Variants in MARCHF2 observed in about 807,000 individuals in gnomAD.
MARCHF2 encodes the protein E3 ubiquitin-protein ligase MARCHF2.
A neutral mutation model predicts 24.0 loss-of-function variants in MARCHF2; 22 were observed. The ratio of observed to expected loss-of-function variants is 0.92; its 90% CI spans 0.66 to 1.31. The LOEUF (loss-of-function observed/expected upper bound fraction) is 1.31. MARCHF2 is among the 50% of genes most tolerant of loss of function. MARCHF2 has a pLI of 0.00. For missense variants in MARCHF2, 301 were observed against 335.3 expected, an observed-to-expected ratio of 0.90 and a Z score of 0.80; for synonymous variants, 154 against 153.0, an observed-to-expected ratio of 1.01 and a Z score of -0.05.
At position 8,430,596 on chromosome 19, in the gene MARCHF2, C is replaced by A; in HGVS notation, c.373-62C>A. The A allele has an allele frequency of 7.1e-7, 1 of 1,410,200 alleles. No homozygotes were observed. Among genetic ancestry groups the A allele is most frequent in the Non-Finnish European group, 9.9e-7 (1 of 1,010,456 alleles). The allele number at this position is 1,410,200 out of a possible 1,614,324, so 87.4% of individuals were successfully genotyped here. On this transcript the variant is annotated intron_variant, in intron 3 of 4. Coordinates refer to ENST00000215555, the MANE Select transcript of MARCHF2 (RefSeq NM_001005415.2). This position sits in a 1 kb window ranked among gnomAD's most constrained non-coding sequence, Gnocchi z 4.4. ...AGGCCTAGGCCTGGAGGTCCTTACCCCTCCCCCTCAGTAGCCCCTTCTCTG... is the reference window on the plus strand; with the variant it reads ...AGGCCTAGGCCTGGAGGTCCTTACCACTCCCCCTCAGTAGCCCCTTCTCTG...
chr19:8,413,354 C>G lies in MARCHF2; in HGVS notation c.-119C>G, dbSNP rs1966998220. The G allele has an allele frequency of 6.6e-6, 1 of 151,736 alleles. No homozygotes were observed. Among genetic ancestry groups the G allele is most frequent in the Admixed American group, 6.6e-5 (1 of 15,222 alleles). The allele number at this position is 151,736 out of a possible 1,614,324, so 9.4% of individuals were successfully genotyped here. ...AGCTAGTGGCGCCGACGGGCCGGGC[C>G]GGGCCGGGACCGGGGCCGAGGCGAA... is the stretch of plus-strand genomic sequence containing the variant. On this transcript the variant is annotated 5_prime_UTR_variant, in exon 1 of 5. Transcript: ENST00000215555.
intron 3 of MARCHF2, among the ~76,000 whole-genome samples, chr19:8,427,445 T>C (rs1967436814): frequency 6.6e-6 from 1 of 150,418 alleles, no homozygotes; most frequent in Non-Finnish European, 1.5e-5. Flanking sequence ...CACGTAGGGC[T>C]GGGCACTCAT....
chr19:8,430,801 G>T lies in MARCHF2; in HGVS notation c.516G>T (p.Gln172His). 6.2e-7 allele frequency: 1 copy of T among 1,610,996 alleles called. No individual in the cohort carries two copies. The change falls in exon 4 of 5, where the codon CAG becomes CAT. Residue 172 changes from glutamine to histidine, a missense_variant. Gln to His is a conservative substitution (Grantham distance 24, BLOSUM62 0). Transcript: ENST00000215555. This position sits in a 1 kb window ranked among gnomAD's most constrained non-coding sequence, Gnocchi z 4.4. ...GAQDHLRLHS[Q>H]LEAVGLIALT... ...AGGACCACCTCCGGCTCCACAGCCA[G>T]CTGGAGGCCGTGGGTCTCATTGCCC... is the stretch of plus-strand genomic sequence containing the variant.
chr19:8,417,923 T>G (rs1424806998), intron 1 of MARCHF2, among the ~76,000 whole-genome samples: 1 of 151,198 alleles, frequency 6.6e-6, no homozygotes, highest in African/African-American at 2.4e-5. Flanking sequence ...CCAACATGCC[T>G]GGCTAATTTT....
Position 8,421,865 on chromosome 19 carries a change from C to G in MARCHF2, c.25C>G (p.Leu9Val). 2 of 1,611,722 alleles carry G rather than the reference C, an allele frequency of 1.2e-6. No homozygotes were observed. Among genetic ancestry groups the G allele is most frequent in the Non-Finnish European group, 1.7e-6 (2 of 1,179,000 alleles). ...CATGACGACGGGTGACTGCTGCCAC[C>G]TCCCCGGCTCCCTGTGTGACTGCTC... MTTGDCCH[L>V]PGSLCDCSGS... Residue 9 changes from leucine (L) to valine (V), a missense_variant, in exon 2 of 5, where the codon CTC becomes GTC. By Grantham distance (32) the Leu-to-Val change is conservative (BLOSUM62 1). Transcript: ENST00000215555.
chr19:8,416,881 G>A (rs1292722862), intron 1 of MARCHF2, among the ~76,000 whole-genome samples: 1 of 152,090 alleles, frequency 6.6e-6, no homozygotes, highest in Non-Finnish European at 1.5e-5. Context: ...CAGCATTGTC[G>A]AGAAGGCTTC....
chr19:8,416,446 G>A (rs1037387439), intron 1 of MARCHF2, among the ~76,000 whole-genome samples: 1 of 152,092 alleles, frequency 6.6e-6, no homozygotes, highest in African/African-American at 2.4e-5. Flanking sequence ...CAATCTGACA[G>A]GGTCTCTTTT....
chr19:8,422,712 T>TG (rs1354708240), intron 2 of MARCHF2, among the ~76,000 whole-genome samples: 5 of 141,814 alleles, frequency 3.5e-5, no homozygotes, highest in Non-Finnish European at 6.1e-5. Context: ...ATTTTTTTTT[T>TG]TTTTTTTTTT....
intron 2 of MARCHF2, among the ~76,000 whole-genome samples, chr19:8,424,069 G>A (rs1033472386): frequency 8.6e-5 from 13 of 151,338 alleles, no homozygotes; most frequent in Non-Finnish European, 1.5e-4. Context: ...GCTCTTCTTT[G>A]TGTGACCTCA....
At position 8,437,227 on chromosome 19, in the gene MARCHF2, G is replaced by A. The variant is rs533098851; in HGVS notation, c.583-1161G>A. ...ACTCCTGAGCTCAAGTGGTCCCCAC[G>A]CCTCGACCTCCTAAAGTGCTGGGAT... On this transcript the variant is annotated intron_variant, in intron 4 of 4. Transcript: ENST00000215555. Among the ~76,000 whole-genome samples, 27 of 151,244 alleles carry A rather than the reference G, an allele frequency of 1.8e-4. No homozygotes were observed. The East Asian group carries it at 2.0e-3, about 11-fold the overall frequency.
At chr19:8,413,790 A>T (rs1176846257) in intron 1 of MARCHF2, 1 of 152,228 alleles carries the variant, frequency 6.6e-6, no homozygotes, top group African/African-American at 2.4e-5. Context: ...TCTGCCTGCA[A>T]AATAGTAAGT....
chr19:8,430,965 C>T lies in MARCHF2; in HGVS notation c.582+98C>T. 8.1e-7 allele frequency: 1 copy of T among 1,232,380 alleles called. No homozygotes were observed. The highest frequency in any genetic ancestry group is 1.4e-5 in the South Asian group (1 of 69,528). 76.3% of individuals were successfully genotyped at this position (1,232,380 alleles called of 1,614,324 possible). A position where few individuals can be genotyped will look rare whatever the true frequency, so the allele number is the denominator to read the frequency against. ...CCTGGCTTGTGGGGCACGGGGCTCCCTGGCTGCCTCTGTCTATGGCCGTGG... is the reference window on the plus strand; with the variant it reads ...CCTGGCTTGTGGGGCACGGGGCTCCTTGGCTGCCTCTGTCTATGGCCGTGG... On this transcript the variant is annotated intron_variant, in intron 4 of 4. Transcript: ENST00000215555. This position sits in a 1 kb window ranked among gnomAD's most constrained non-coding sequence, Gnocchi z 4.4.
At chr19:8,424,684 A>G (rs1029134749) in intron 2 of MARCHF2, among the ~76,000 whole-genome samples, 1 of 151,650 alleles carries the variant, frequency 6.6e-6, no homozygotes, top group African/African-American at 2.4e-5. Context: ...AAAAAAAAAA[A>G]TCTACCTTTC....
At chr19:8,416,858 G>C (rs936508034) in intron 1 of MARCHF2, among the ~76,000 whole-genome samples, 11 of 152,100 alleles carry the variant, frequency 7.2e-5, no homozygotes, top group Admixed American at 6.6e-4. Context: ...GAGCCAATGC[G>C]CCAGGCCCCA....
At chr19:8,420,865 G>T (rs1967218747) in intron 1 of MARCHF2, among the ~76,000 whole-genome samples, 1 of 152,126 alleles carries the variant, frequency 6.6e-6, no homozygotes, top group Admixed American at 6.6e-5. Flanking sequence ...ATGTTGCCCA[G>T]GCTGGTCTCA....
chr19:8,419,639 AC>A (rs1275427290), intron 1 of MARCHF2, among the ~76,000 whole-genome samples: 14 of 148,998 alleles, frequency 9.4e-5, no homozygotes, highest in African/African-American at 3.5e-4. Context: ...ACACGGTGAA[AC>A]CCCGTCTCTA....
chr19:8,416,559 G>A (rs2145531476), intron 1 of MARCHF2, among the ~76,000 whole-genome samples: 2 of 152,128 alleles, frequency 1.3e-5, no homozygotes, highest in South Asian at 4.2e-4. Context: ...GGAATCAAGT[G>A]GACCCCATTG....
At chr19:8,416,464 A>G (rs1436988495) in intron 1 of MARCHF2, among the ~76,000 whole-genome samples, 2 of 152,076 alleles carry the variant, frequency 1.3e-5, no homozygotes, top group Non-Finnish European at 2.9e-5. Flanking sequence ...TTTTTACAGA[A>G]TTCACTGTAG....
rs1280093197 is a variant in MARCHF2 at position 8,421,838 on chromosome 19, G to C, written c.-3G>C. The C allele has an allele frequency of 6.2e-7, 1 of 1,604,780 alleles. No individual in the cohort carries two copies. Among genetic ancestry groups the C allele is most frequent in the South Asian group, 1.1e-5 (1 of 89,780 alleles). ...CCCTGAGGATACGGGGCTCCCGGTG[G>C]CCATGACGACGGGTGACTGCTGCCA... On this transcript the variant is annotated 5_prime_UTR_variant, in exon 2 of 5. Coordinates refer to ENST00000215555, the MANE Select transcript of MARCHF2 (RefSeq NM_001005415.2).
Sources: allele counts gnomAD v4.1 joint callset (sites outside exome capture counted in the v4.1 genomes callset), GRCh38; gene constraint gnomAD v4.1.1; non-coding constraint Gnocchi (gnomAD v3.1); transcripts MANE v1.5; gene names NCBI Gene and HGNC (gene_info 2026-07-23, HGNC 2026-07-21).